The following KLHL25 variants were observed in gnomAD, a reference collection of about 807,000 sequenced individuals.
KLHL25 encodes the protein kelch like family member 25.
Under a neutral mutation model 30.0 loss-of-function variants are expected in KLHL25, and 41 were observed. The ratio of observed to expected loss-of-function variants is 1.37; its 90% CI spans 1.07 to 1.78. The LOEUF is 1.78. Ranked by LOEUF, KLHL25 falls within the 40% of genes most tolerant of loss-of-function variation. The pLI, the probability that KLHL25 is intolerant of heterozygous loss-of-function variation, is 0.00. For synonymous variants in KLHL25, 399 were observed against 355.3 expected, an observed-to-expected ratio of 1.12 and a Z score of -1.38; for missense variants, 971 against 824.5, an observed-to-expected ratio of 1.18 and a Z score of -2.18.
At chr15:85,779,835 T>C (rs970873529) in intron 1 of KLHL25, among the ~76,000 whole-genome samples, 2 of 152,240 alleles carry the variant, frequency 1.3e-5, no homozygotes, top group Admixed American at 6.5e-5. Flanking sequence ...AACACATCAC[T>C]ATGGTTTACA....
In KLHL25 at chr15:85,769,748, G is replaced by T. The variant is rs745326438; in HGVS notation, c.63C>A (p.Thr21=). The change falls in exon 2 of 3, where the codon ACC becomes ACA. Residue 21 remains threonine, a synonymous_variant. Coordinates refer to ENST00000337975, the MANE Select transcript of KLHL25 (RefSeq NM_022480.4). ...CCGGGTGGGAGGCCTTGTGGAAGAG[G>T]GTGACGTTCATGGACCCCGTGCTGC... ...SRSSTGSMNV[T]LFHKASHPDC... is the part of the protein sequence containing the mutation. 1.2e-6 allele frequency: 2 copies of T among 1,613,636 alleles called. No individual in the cohort carries two copies. The highest frequency in any genetic ancestry group is 1.3e-5 in the African/African-American group (1 of 75,054).
intron 2 of KLHL25, chr15:85,761,832 G>A (rs1457438058): frequency 2.6e-5 from 4 of 152,232 alleles, no homozygotes; most frequent in Non-Finnish European, 5.9e-5. Context: ...CGCTGTCCGC[G>A]GTTTTTGGCT....
At chr15:85,776,574 A>G (rs903617800) in intron 1 of KLHL25, among the ~76,000 whole-genome samples, 1 of 152,184 alleles carries the variant, frequency 6.6e-6, no homozygotes, top group Non-Finnish European at 1.5e-5. Flanking sequence ...ACTGATCTGA[A>G]TTATATTTTT....
chr15:85,776,799 C>A (rs2089712118), intron 1 of KLHL25, among the ~76,000 whole-genome samples: 1 of 151,770 alleles, frequency 6.6e-6, no homozygotes, highest in African/African-American at 2.4e-5. Context: ...GTGGCGGGTG[C>A]CTATAGTCCC....
intron 1 of KLHL25, among the ~76,000 whole-genome samples, chr15:85,793,012 A>ATCAG (rs1045910462): frequency 3.9e-5 from 6 of 152,010 alleles, no homozygotes; most frequent in Non-Finnish European, 7.4e-5. Flanking sequence ...CAATCAATCA[A>ATCAG]TCAGTCACAA....
chr15:85,775,775 G>A (rs935880442), intron 1 of KLHL25, among the ~76,000 whole-genome samples: 1 of 151,068 alleles, frequency 6.6e-6, no homozygotes, highest in African/African-American at 2.4e-5. Context: ...CACCCGGCCT[G>A]AGGTCCCCTG....
intron 1 of KLHL25, among the ~76,000 whole-genome samples, chr15:85,774,762 C>T (rs1442625303): frequency 6.6e-6 from 1 of 152,150 alleles, no homozygotes; most frequent in Non-Finnish European, 1.5e-5. Context: ...CTGCGTAGTA[C>T]CCAGGCATGA....
In KLHL25 at chr15:85,768,528, GC is replaced by G. The variant is rs749863961; in HGVS notation, c.1282del (p.Ala428ProfsTer13). ...DPGANKWMMV[A>X]PLRDGVSNAA... ...ATTGCTGACGCCATCCCGCAAGGGG[GC>G]CACCATCATCCACTTGTTGGCCCCA... is the stretch of plus-strand genomic sequence containing the variant. On this transcript the variant is annotated frameshift_variant, in exon 2 of 3. Coordinates refer to ENST00000337975, the MANE Select transcript of KLHL25 (RefSeq NM_022480.4). LOFTEE classifies it high-confidence loss of function. 1.2e-6 allele frequency: 2 copies of G among 1,613,598 alleles called. No homozygotes were observed. Among genetic ancestry groups the G allele is most frequent in the Non-Finnish European group, 1.7e-6 (2 of 1,179,896 alleles).
intron 1 of KLHL25, among the ~76,000 whole-genome samples, chr15:85,774,850 A>G (rs1052632568): frequency 2.1e-5 from 3 of 141,900 alleles, no homozygotes; most frequent in Non-Finnish European, 4.6e-5. Context: ...ACCCCTCCCC[A>G]CTCCCGCAGT....
chr15:85,779,214 T>C (rs1002047828), intron 1 of KLHL25, among the ~76,000 whole-genome samples: 1 of 152,124 alleles, frequency 6.6e-6, no homozygotes. Flanking sequence ...CCTGTCTTTT[T>C]GAGTGGGAGC....
chr15:85,790,740 C>T (rs926571380), intron 1 of KLHL25, among the ~76,000 whole-genome samples: 5 of 152,208 alleles, frequency 3.3e-5, no homozygotes, highest in South Asian at 2.1e-4. Flanking sequence ...CACGCTGAAA[C>T]AAGAAGTGGC....
chr15:85,774,550 C>T (rs1404609394), intron 1 of KLHL25, among the ~76,000 whole-genome samples: 1 of 152,172 alleles, frequency 6.6e-6, no homozygotes, highest in Non-Finnish European at 1.5e-5. Flanking sequence ...AAAGGCCTAT[C>T]CTGAGAGAAA....
intron 1 of KLHL25, among the ~76,000 whole-genome samples, chr15:85,782,156 G>C (rs1041891714): frequency 6.6e-6 from 1 of 152,026 alleles, no homozygotes; most frequent in African/African-American, 2.4e-5. Context: ...GATAATTCTC[G>C]GTCTCTTGAA....
At chr15:85,774,197 A>C (rs2089695281) in intron 1 of KLHL25, among the ~76,000 whole-genome samples, 1 of 152,108 alleles carries the variant, frequency 6.6e-6, no homozygotes, top group South Asian at 2.1e-4. Flanking sequence ...AATCAATCAG[A>C]CACTCTCGCT....
chr15:85,781,051 G>A (rs926254339), intron 1 of KLHL25, among the ~76,000 whole-genome samples: 2 of 152,230 alleles, frequency 1.3e-5, no homozygotes, highest in African/African-American at 4.8e-5. Flanking sequence ...AACCAAAGGG[G>A]CCGGGCGCAG....
rs772111155 is a variant in KLHL25, at chr15:85,769,591, T to C, written c.220A>G (p.Met74Val). 1.9e-5 allele frequency: 30 copies of C among 1,613,808 alleles called. No homozygotes were observed. Among genetic ancestry groups the C allele is most frequent in the South Asian group, 6.6e-5 (6 of 91,086 alleles). ...LAASSRYFEA[M>V]FSHGLRESRD... ...CTCTCCCGAAGGCCATGGCTGAACA[T>C]GGCCTCAAAATAGCGGCTAGAGGCG... The change falls in exon 2 of 3, where the codon ATG (methionine) becomes GTG (valine). Residue 74 changes from methionine (M) to valine (V), a missense_variant. By Grantham distance (21) the Met-to-Val change is conservative (BLOSUM62 1). Transcript: ENST00000337975.
rs146429504 is a variant in KLHL25, at chr15:85,768,417, T to C, written c.1394A>G (p.Tyr465Cys). The C allele has an allele frequency of 8.9e-5, 143 of 1,613,580 alleles. No homozygotes were observed. The highest frequency in any genetic ancestry group is 1.1e-4 in the Non-Finnish European group (127 of 1,179,906). ...HRDMVSKVQCYDPSENRWTIK... is the reference protein window; with the variant it reads ...HRDMVSKVQCCDPSENRWTIK... ...CGTCCACCTGTTCTCCGAGGGGTCA[T>C]AGCACTGGACCTTGGACACCATGTC... Residue 465 changes from tyrosine (Y) to cysteine (C), a missense_variant, in exon 2 of 3, where the codon TAT (tyrosine) becomes TGT (cysteine). By Grantham distance (194) the Tyr-to-Cys change is radical (BLOSUM62 -2). Coordinates refer to ENST00000337975, the MANE Select transcript of KLHL25 (RefSeq NM_022480.4).
chr15:85,766,745 C>T (rs570530891), intron 2 of KLHL25, among the ~76,000 whole-genome samples: 7 of 152,334 alleles, frequency 4.6e-5, no homozygotes, highest in Non-Finnish European at 1.0e-4. Flanking sequence ...AACCCACAGA[C>T]ACTCGCTCTG....
At chr15:85,779,137 T>C (rs1183813269) in intron 1 of KLHL25, among the ~76,000 whole-genome samples, 1 of 151,154 alleles carries the variant, frequency 6.6e-6, no homozygotes, top group Non-Finnish European at 1.5e-5. Context: ...AGGCCACACA[T>C]CCAGCCCGGG....
Sources: allele counts gnomAD v4.1 joint callset (sites outside exome capture counted in the v4.1 genomes callset), GRCh38; gene constraint gnomAD v4.1.1; transcripts MANE v1.5; gene names NCBI Gene and HGNC (gene_info 2026-07-23, HGNC 2026-07-21).